PPARGC1A: variants seen among roughly 807,000 people sequenced by gnomAD.
PPARGC1A encodes the protein PPARG coactivator 1 alpha, also known as peroxisome proliferator-activated receptor gamma coactivator 1-alpha.
PPARGC1A carries 25 observed loss-of-function variants against 88.7 expected under a neutral mutation model. The observed-to-expected ratio is 0.28, with a 90% CI of 0.21 to 0.39. The LOEUF is 0.39. Among genes scored for constraint, PPARGC1A ranks in the 10% least tolerant of loss-of-function variants. The pLI, the probability that PPARGC1A is intolerant of heterozygous loss-of-function variation, is 1.00. For synonymous variants in PPARGC1A, 363 were observed against 355.6 expected (o/e 1.02, Z -0.24); for missense variants, 880 against 968.7 (o/e 0.91, Z 1.22).
intron 8 of PPARGC1A, 123 bp from the exon 9 acceptor site, chr4:23,813,248 T>G: frequency 2.5e-6 from 2 of 798,986 alleles, no homozygotes; most frequent in Non-Finnish European, 4.2e-6. Context: ...TCCCAGCTAC[T>G]AGGGAGATTT....
At chr4:24,343,035 C>A in the PPARGC1A span, among the ~76,000 whole-genome samples, 1 of 152,172 alleles carries the variant, frequency 6.6e-6, no homozygotes, top group African/African-American at 2.4e-5. Flanking sequence ...GAAGGTCAGT[C>A]AGCTTGTGGG....
chr4:24,180,924 C>T, the PPARGC1A span, among the ~76,000 whole-genome samples: 1 of 152,208 alleles, frequency 6.6e-6, no homozygotes, highest in South Asian at 2.1e-4. Context: ...AGCCATTCTT[C>T]CTGTGTCATT....
the PPARGC1A span, among the ~76,000 whole-genome samples, chr4:24,069,174 C>T: frequency 1.2e-4 from 18 of 152,274 alleles, no homozygotes; most frequent in African/African-American, 4.1e-4. Flanking sequence ...CAGGGTCTTG[C>T]ATATAGTCAC....
At chr4:23,912,178 G>A in the PPARGC1A span, among the ~76,000 whole-genome samples, 1 of 152,136 alleles carries the variant, frequency 6.6e-6, no homozygotes. Context: ...ATGAAGAGAT[G>A]GCATTTTCAA....
At chr4:24,271,023 A>G in the PPARGC1A span, among the ~76,000 whole-genome samples, 109 of 152,358 alleles carry the variant, frequency 7.2e-4, 1 homozygote, top group African/African-American at 2.4e-3. Flanking sequence ...ATAATTATAC[A>G]TAACCAAAAA....
At chr4:24,247,910 CA>C in the PPARGC1A span, among the ~76,000 whole-genome samples, 1 of 152,124 alleles carries the variant, frequency 6.6e-6, no homozygotes, top group Non-Finnish European at 1.5e-5. Flanking sequence ...ACAGCGTCCC[CA>C]CTGCCCTGCT....
At chr4:24,227,696 C>T in the PPARGC1A span, among the ~76,000 whole-genome samples, 1 of 152,156 alleles carries the variant, frequency 6.6e-6, no homozygotes, top group African/African-American at 2.4e-5. Context: ...CCCTCACCTC[C>T]AACCTCAGCT....
chr4:24,309,398 C>T, the PPARGC1A span, among the ~76,000 whole-genome samples: 1 of 152,062 alleles, frequency 6.6e-6, no homozygotes, highest in African/African-American at 2.4e-5. Context: ...TGTTCAACAT[C>T]AAGGGGGATA....
At chr4:24,362,984 C>T in the PPARGC1A span, among the ~76,000 whole-genome samples, 3 of 152,186 alleles carry the variant, frequency 2.0e-5, no homozygotes, top group Non-Finnish European at 4.4e-5. Context: ...TATATTTAGA[C>T]GACTTCAAGA....
At chr4:24,150,080 G>A in the PPARGC1A span, among the ~76,000 whole-genome samples, 1 of 152,124 alleles carries the variant, frequency 6.6e-6, no homozygotes, top group Non-Finnish European at 1.5e-5. Flanking sequence ...AAAACAAATT[G>A]TACATTGAGA....
the PPARGC1A span, among the ~76,000 whole-genome samples, chr4:24,110,903 T>A: frequency 6.6e-6 from 1 of 152,200 alleles, no homozygotes; most frequent in South Asian, 2.1e-4. Flanking sequence ...AAGAAACATG[T>A]CTGAAAACCA....
chr4:24,053,913 A>T, the PPARGC1A span, among the ~76,000 whole-genome samples: 1 of 152,134 alleles, frequency 6.6e-6, no homozygotes, highest in Non-Finnish European at 1.5e-5. Flanking sequence ...CTAACTCTCC[A>T]CCAGCCATAG....
the PPARGC1A span, among the ~76,000 whole-genome samples, chr4:24,126,108 T>C: frequency 6.6e-6 from 1 of 152,260 alleles, no homozygotes; most frequent in African/African-American, 2.4e-5. Context: ...GTAGTGACTG[T>C]CCATTGTAAG....
At chr4:24,324,270 C>A in the PPARGC1A span, among the ~76,000 whole-genome samples, 5 of 152,208 alleles carry the variant, frequency 3.3e-5, no homozygotes, top group Admixed American at 6.5e-5. Context: ...AAGTACCCCT[C>A]AACCCCTTCT....
At chr4:24,146,568 A>G in the PPARGC1A span, among the ~76,000 whole-genome samples, 1 of 152,228 alleles carries the variant, frequency 6.6e-6, no homozygotes, top group Non-Finnish European at 1.5e-5. Flanking sequence ...TCCTAATAGG[A>G]GGCATATATT....
the PPARGC1A span, among the ~76,000 whole-genome samples, chr4:24,075,306 G>C: frequency 3.1e-4 from 47 of 152,272 alleles, no homozygotes; most frequent in East Asian, 8.7e-3. Context: ...GTGTCCACCA[G>C]AGTCATCTCA....
At chr4:24,201,542 C>T in the PPARGC1A span, among the ~76,000 whole-genome samples, 72 of 152,348 alleles carry the variant, frequency 4.7e-4, 1 homozygote, top group African/African-American at 1.7e-3. Flanking sequence ...AAGATTGTGG[C>T]TCAATATTCG....
the PPARGC1A span, among the ~76,000 whole-genome samples, chr4:24,177,621 AAATAAATAAATAAATAAAT>A: frequency 1.5e-4 from 6 of 40,704 alleles, no homozygotes; most frequent in East Asian, 1.7e-3. Flanking sequence ...AAGTATAATT[AAATAAATAAATAAATAAAT>A]AAATAAATAA....
intron 2 of PPARGC1A, among the ~76,000 whole-genome samples, chr4:23,854,213 T>C (rs1259412426): frequency 6.6e-6 from 1 of 152,162 alleles, no homozygotes; most frequent in African/African-American, 2.4e-5. Context: ...TGAGTGTTAG[T>C]TCTGAGAAGA....
Sources: allele counts gnomAD v4.1 joint callset (sites outside exome capture counted in the v4.1 genomes callset), GRCh38; gene constraint gnomAD v4.1.1; transcripts MANE v1.5; gene names NCBI Gene and HGNC (gene_info 2026-07-23, HGNC 2026-07-21).